Variants in RIMS1 observed in about 807,000 individuals in gnomAD.
RIMS1 encodes regulating synaptic membrane exocytosis protein 1.
RIMS1 carries 83 observed loss-of-function variants against 214.1 expected under a neutral mutation model. The observed-to-expected ratio is 0.39, with a 90% CI of 0.32 to 0.47. RIMS1 has a LOEUF of 0.47. Among genes scored for constraint, RIMS1 ranks in the 20% least tolerant of loss-of-function variants. RIMS1 has a pLI of 0.99. For synonymous variants in RIMS1, 793 were observed against 786.8 expected (o/e 1.01, Z -0.13); for missense variants, 2,050 against 2,161.8 (o/e 0.95, Z 1.03).
chr6:72,094,521 C>T (rs1020015850), intron 2 of RIMS1, among the ~76,000 whole-genome samples: 2 of 152,052 alleles, frequency 1.3e-5, no homozygotes, highest in African/African-American at 2.4e-5. Flanking sequence ...GCATAAAGCA[C>T]GTACTAATGA....
At chr6:72,265,229 C>T (rs144205571) in intron 20 of RIMS1, among the ~76,000 whole-genome samples, 161 bp from the exon 21 acceptor site, 6 of 152,156 alleles carry the variant, frequency 3.9e-5, no homozygotes, top group Non-Finnish European at 7.4e-5. Context: ...TATCTAAAAT[C>T]GTTTTAACTA....
In RIMS1 at chr6:72,182,566, G is replaced by C; in HGVS notation, c.1095G>C (p.Pro365=). 6.5e-7 allele frequency: 1 copy of C among 1,550,350 alleles called. No individual in the cohort carries two copies. Among genetic ancestry groups the C allele is most frequent in the South Asian group, 1.2e-5 (1 of 84,112 alleles). ...YRSDPNLARY[P]VKPPPEEQQM... is the part of the protein sequence containing the mutation. ...GCGACCCGAACCTAGCTCGGTACCC[G>C]GTGAAACCGCCGCCTGAGGAGCAGC... Residue 365 remains proline (P), a synonymous_variant, in exon 6 of 34, where the codon CCG becomes CCC. Coordinates refer to ENST00000521978, the MANE Select transcript of RIMS1 (RefSeq NM_014989.7).
chr6:72,050,773 G>T (rs1481097751), intron 2 of RIMS1, among the ~76,000 whole-genome samples: 2 of 152,246 alleles, frequency 1.3e-5, no homozygotes, highest in Non-Finnish European at 2.9e-5. Flanking sequence ...TTTTCGTAAG[G>T]TTTATGTGGT....
chr6:72,009,540 G>T (rs1198805836), intron 2 of RIMS1, among the ~76,000 whole-genome samples: 2 of 152,114 alleles, frequency 1.3e-5, no homozygotes, highest in East Asian at 3.9e-4. Flanking sequence ...CCAGGAGCTG[G>T]TTTTTTGAAA....
At chr6:72,247,615 C>A (rs1047283642) in intron 11 of RIMS1, among the ~76,000 whole-genome samples, 2 of 150,626 alleles carry the variant, frequency 1.3e-5, no homozygotes, top group Admixed American at 6.6e-5. Context: ...TTAGATGTGG[C>A]TTATAAATTA....
intron 6 of RIMS1, among the ~76,000 whole-genome samples, chr6:72,187,568 C>A (rs2049342593): frequency 6.6e-6 from 1 of 150,778 alleles, no homozygotes; most frequent in Admixed American, 6.6e-5. Flanking sequence ...CCTCTGCCTC[C>A]CTGCAACCTC....
chr6:72,185,902 C>G (rs937465223), intron 6 of RIMS1, among the ~76,000 whole-genome samples: 21 of 152,146 alleles, frequency 1.4e-4, no homozygotes, highest in African/African-American at 5.1e-4. Context: ...GTGAAGACGA[C>G]GAGGATGAAG....
intron 2 of RIMS1, among the ~76,000 whole-genome samples, chr6:72,030,882 A>G (rs911331639): frequency 5.3e-5 from 8 of 152,244 alleles, no homozygotes; most frequent in Admixed American, 3.9e-4. Context: ...TTACTCTTCT[A>G]TTGTTAGGAA....
intron 4 of RIMS1, among the ~76,000 whole-genome samples, chr6:72,157,731 T>C (rs541240155): frequency 7.1e-6 from 1 of 140,678 alleles, no homozygotes; most frequent in South Asian, 2.3e-4. Flanking sequence ...ATTGTGATGA[T>C]TGTTTAAATG....
chr6:71,941,801 CT>C (rs1436985211), intron 1 of RIMS1, among the ~76,000 whole-genome samples: 1 of 152,190 alleles, frequency 6.6e-6, no homozygotes, highest in East Asian at 1.9e-4. Flanking sequence ...TACATTACAG[CT>C]TTTGACCAGG....
chr6:72,236,584 C>T (rs2064159802), intron 8 of RIMS1, among the ~76,000 whole-genome samples: 2 of 152,024 alleles, frequency 1.3e-5, no homozygotes, highest in Non-Finnish European at 2.9e-5. Context: ...CAGTGTCAAA[C>T]ACTTGCTGTT....
At position 72,156,785 on chromosome 6, in the gene RIMS1, T is replaced by C. The variant is rs965846035; in HGVS notation, c.472-22790T>C. Among the ~76,000 whole-genome samples the C allele has an allele frequency of 5.0e-5, 7 of 140,946 alleles. 1 individual carries two copies. The highest frequency in any genetic ancestry group is 1.7e-4 in the African/African-American group (7 of 40,874). 92.5% of individuals were successfully genotyped at this position (140,946 alleles called of 152,430 possible). ...TTTATTTGTCAATTACAATTAAAGC[T>C]GAGAAAAAATGCAAATGGATTAATG... On this transcript the variant is annotated intron_variant, in intron 4 of 33. Coordinates refer to ENST00000521978, the MANE Select transcript of RIMS1 (RefSeq NM_014989.7).
intron 10 of RIMS1, among the ~76,000 whole-genome samples, 177 bp from the exon 11 acceptor site, chr6:72,245,638 T>C (rs2069134243): frequency 6.6e-6 from 1 of 152,160 alleles, no homozygotes; most frequent in Non-Finnish European, 1.5e-5. Flanking sequence ...ATTGCAGTTT[T>C]TTTTGTGTGG....
intron 6 of RIMS1, among the ~76,000 whole-genome samples, chr6:72,202,572 C>T (rs1006077997): frequency 6.6e-6 from 1 of 152,126 alleles, no homozygotes; most frequent in Non-Finnish European, 1.5e-5. Context: ...AGGACATCAA[C>T]AGATGAGTTT....
intron 19 of RIMS1, chr6:72,261,165 T>C (rs1038132879): frequency 2.9e-6 from 3 of 1,031,076 alleles, no homozygotes; most frequent in Admixed American, 5.3e-5. Flanking sequence ...TAATTGTAAG[T>C]TTGCTCTGTT....
intron 2 of RIMS1, among the ~76,000 whole-genome samples, chr6:71,979,029 G>A (rs1041119891): frequency 1.3e-5 from 2 of 151,974 alleles, no homozygotes; most frequent in Non-Finnish European, 2.9e-5. Context: ...TATGCAAATC[G>A]TTCTATGCCA....
At chr6:72,377,315 C>A (rs1212738324) in intron 29 of RIMS1, among the ~76,000 whole-genome samples, 2 of 152,164 alleles carry the variant, frequency 1.3e-5, no homozygotes, top group Non-Finnish European at 2.9e-5. Context: ...ACTATCCATC[C>A]TCAGGAGAGT....
intron 29 of RIMS1, among the ~76,000 whole-genome samples, chr6:72,359,120 A>G (rs1180064608): frequency 6.6e-6 from 1 of 152,246 alleles, no homozygotes; most frequent in Admixed American, 6.5e-5. Flanking sequence ...CTGAGAGGCC[A>G]AAGAAAGAGG....
intron 4 of RIMS1, among the ~76,000 whole-genome samples, chr6:72,106,659 GTTTGT>G (rs1163400852): frequency 6.6e-6 from 1 of 152,080 alleles, no homozygotes; most frequent in Non-Finnish European, 1.5e-5. Flanking sequence ...TTGTTTGTTT[GTTTGT>G]TTTATTTTGC....
Sources: allele counts gnomAD v4.1 joint callset (sites outside exome capture counted in the v4.1 genomes callset), GRCh38; gene constraint gnomAD v4.1.1; transcripts MANE v1.5; gene names NCBI Gene and HGNC (gene_info 2026-07-23, HGNC 2026-07-21).